The following DIAPH2 variants were observed in gnomAD, a reference collection of about 807,000 sequenced individuals.
DIAPH2 encodes diaphanous related formin 2.
In DIAPH2, 35 loss-of-function variants were observed where a neutral mutation model predicts 92.7. That is an observed-to-expected ratio of 0.38 (90% CI 0.29 to 0.50). The LOEUF is 0.50. Ranked by LOEUF, DIAPH2 falls within the 20% of genes least tolerant of loss-of-function variation. The probability of loss-of-function intolerance (pLI) is 0.94; values close to 1 mark genes in which losing one functional copy is unlikely to be tolerated. For synonymous variants in DIAPH2, 301 were observed against 280.4 expected, an observed-to-expected ratio of 1.07 and a Z score of -0.73; for missense variants, 701 against 819.5, an observed-to-expected ratio of 0.86 and a Z score of 1.77.
At chrX:97,300,835 G>A (rs1316415852) in intron 23 of DIAPH2, among the ~76,000 whole-genome samples, 1 of 98,500 alleles carries the variant, frequency 1.0e-5, no homozygotes, top group Non-Finnish European at 2.0e-5. Context: ...GGGAGGCTGA[G>A]GCAGGAGAAT....
At chrX:97,035,881 C>A (rs1273295251) in intron 17 of DIAPH2, among the ~76,000 whole-genome samples, 2 of 108,895 alleles carry the variant, frequency 1.8e-5, no homozygotes, top group East Asian at 5.8e-4. Flanking sequence ...TGGTGGCATG[C>A]GCCTGTTGTC....
chrX:97,268,998 G>A (rs929875340), intron 23 of DIAPH2, among the ~76,000 whole-genome samples: 9 of 108,196 alleles, frequency 8.3e-5, no homozygotes, highest in South Asian at 4.1e-4. Flanking sequence ...CTGGGATTAC[G>A]GGCACTCACC....
At chrX:97,064,635 A>G (rs1003301927) in intron 17 of DIAPH2, among the ~76,000 whole-genome samples, 1 of 110,948 alleles carries the variant, frequency 9.0e-6, no homozygotes, top group Non-Finnish European at 1.9e-5. Context: ...ATTATATTTC[A>G]GGCAAATAAG....
chrX:97,207,125 T>TA (rs2067803646), intron 22 of DIAPH2, among the ~76,000 whole-genome samples: 1 of 111,752 alleles, frequency 8.9e-6, no homozygotes, highest in Non-Finnish European at 1.9e-5. Context: ...TTTGTCATGC[T>TA]AACAGTATCT....
chrX:96,959,646 G>T (rs760802485), intron 16 of DIAPH2, among the ~76,000 whole-genome samples: 146 of 111,152 alleles, frequency 1.3e-3, no homozygotes, highest in African/African-American at 4.6e-3. Flanking sequence ...ACCCATTTTT[G>T]TTTTTGTTTC....
rs755398655 is a variant in DIAPH2, at chrX:97,137,831, C to T, written c.2590-3834C>T. Among the ~76,000 whole-genome samples the T allele has an allele frequency of 1.4e-4, 16 of 111,734 alleles. No individual in the cohort carries two copies. In the Admixed American group the frequency reaches 1.5e-3, roughly 11 times the overall value. ...TTCTTTTCCAGCAGATGACAGGAGC[C>T]TTTGCAATGGATCTTTTGAATGGAC... On this transcript the variant is annotated intron_variant, in intron 21 of 26. Transcript: ENST00000324765.
chrX:96,787,919 A>G, intron 4 of DIAPH2, among the ~76,000 whole-genome samples: 1 of 105,865 alleles, frequency 9.4e-6, no homozygotes, highest in Non-Finnish European at 1.9e-5. Context: ...CATGTTGGCC[A>G]GGCTGGTCTC....
At chrX:97,463,984 G>T (rs1198435760) in intron 26 of DIAPH2, among the ~76,000 whole-genome samples, 1 of 110,143 alleles carries the variant, frequency 9.1e-6, no homozygotes, top group East Asian at 2.9e-4. Flanking sequence ...GAGGAATCAG[G>T]TCCACTGCCA....
At chrX:96,914,782 G>A (rs956316068) in intron 7 of DIAPH2, among the ~76,000 whole-genome samples, 2 of 110,961 alleles carry the variant, frequency 1.8e-5, no homozygotes, top group African/African-American at 3.3e-5. Flanking sequence ...GATGTTTTTA[G>A]TTAGGCCACG....
chrX:96,862,032 A>G (rs1165169063), intron 4 of DIAPH2, among the ~76,000 whole-genome samples: 1 of 111,059 alleles, frequency 9.0e-6, no homozygotes, highest in Non-Finnish European at 1.9e-5. Flanking sequence ...TTCTCCTACA[A>G]AGGCTTTTTG....
chrX:97,516,962 G>A (rs766222053), intron 26 of DIAPH2, among the ~76,000 whole-genome samples: 2 of 111,906 alleles, frequency 1.8e-5, no homozygotes, highest in Non-Finnish European at 1.9e-5. Flanking sequence ...TATCTTTATC[G>A]AGGTATAATT....
intron 17 of DIAPH2, among the ~76,000 whole-genome samples, chrX:97,025,655 A>G (rs1250079079): frequency 9.1e-6 from 1 of 109,404 alleles, no homozygotes; most frequent in Non-Finnish European, 1.9e-5. Flanking sequence ...CCGTCTCAAA[A>G]ACAAAACAAA....
chrX:96,709,561 T>C (rs1376489194), intron 1 of DIAPH2, among the ~76,000 whole-genome samples: 1 of 112,058 alleles, frequency 8.9e-6, no homozygotes, highest in Non-Finnish European at 1.9e-5. Context: ...GAAAGGAAGA[T>C]GCTCTGATGT....
chrX:97,506,884 C>T (rs996096570), intron 26 of DIAPH2, among the ~76,000 whole-genome samples: 3 of 111,500 alleles, frequency 2.7e-5, no homozygotes, highest in Non-Finnish European at 5.6e-5. Flanking sequence ...AACAAACGTT[C>T]AATGTGCTCT....
chrX:97,365,713 T>C (rs2069374566), intron 24 of DIAPH2, among the ~76,000 whole-genome samples: 1 of 108,247 alleles, frequency 9.2e-6, no homozygotes, highest in Non-Finnish European at 1.9e-5. Context: ...TTGTTTGTTT[T>C]GTTTTGTTCT....
At chrX:97,186,188 A>G (rs1449670684) in intron 22 of DIAPH2, among the ~76,000 whole-genome samples, 2 of 111,551 alleles carry the variant, frequency 1.8e-5, no homozygotes, top group Non-Finnish European at 3.8e-5. Context: ...TCTATCATCT[A>G]GCATATTCGC....
intron 23 of DIAPH2, among the ~76,000 whole-genome samples, chrX:97,293,503 G>A (rs1167120822): frequency 9.0e-6 from 1 of 110,511 alleles, no homozygotes; most frequent in Non-Finnish European, 1.9e-5. Context: ...TGCCCACCTT[G>A]GCCTCCCAAA....
At chrX:97,255,950 G>A (rs920311980) in intron 23 of DIAPH2, among the ~76,000 whole-genome samples, 3 of 111,879 alleles carry the variant, frequency 2.7e-5, no homozygotes, top group Non-Finnish European at 5.6e-5. Context: ...GGTGCATGAT[G>A]CTAATGGTGA....
chrX:97,343,660 C>G (rs2069131473), intron 23 of DIAPH2, among the ~76,000 whole-genome samples: 1 of 99,877 alleles, frequency 1.0e-5, no homozygotes, highest in African/African-American at 3.7e-5. Context: ...CAGAGTGAGA[C>G]TCTGTCTCAA....
Sources: gnomAD v4.1 joint callset for allele counts (sites outside exome capture counted in the v4.1 genomes callset) on GRCh38, gnomAD v4.1.1 for gene constraint, MANE v1.5 for transcripts, NCBI Gene and HGNC (gene_info 2026-07-23, HGNC 2026-07-21) for gene names.